CSRNP3: variants seen among roughly 807,000 people sequenced by gnomAD.
CSRNP3 encodes the protein cysteine and serine rich nuclear protein 3.
In CSRNP3, 12 loss-of-function variants were observed where a neutral mutation model predicts 48.0. The observed-to-expected ratio is 0.25, with a 90% confidence interval of 0.16 to 0.41. CSRNP3 has a LOEUF of 0.41. Among genes scored for constraint, CSRNP3 ranks in the 10% least tolerant of loss-of-function variants. The probability of loss-of-function intolerance (pLI) is 1.00; values close to 1 mark genes in which losing one functional copy is unlikely to be tolerated. For missense variants in CSRNP3, 580 were observed against 724.4 expected, an observed-to-expected ratio of 0.80 and a Z score of 2.29; for synonymous variants, 263 against 269.7, an observed-to-expected ratio of 0.98 and a Z score of 0.24.
intron 4 of CSRNP3, among the ~76,000 whole-genome samples, chr2:165,631,125 T>A (rs1314410232): frequency 1.3e-5 from 2 of 152,246 alleles, no homozygotes; most frequent in Admixed American, 6.5e-5. Flanking sequence ...TTAGAGGGTT[T>A]TAAATTTCAA....
chr2:165,551,381 C>T (rs1011635287), intron 3 of CSRNP3, among the ~76,000 whole-genome samples: 2 of 152,200 alleles, frequency 1.3e-5, no homozygotes, highest in South Asian at 2.1e-4. Flanking sequence ...TTTAGTCTCC[C>T]TCTATACCCA....
chr2:165,637,782 G>T (rs1001859940), intron 4 of CSRNP3, among the ~76,000 whole-genome samples: 1 of 152,154 alleles, frequency 6.6e-6, no homozygotes, highest in Non-Finnish European at 1.5e-5. Context: ...TACAGTCTTT[G>T]TAAATCTACT....
chr2:165,559,948 C>T lies in CSRNP3; in HGVS notation c.-23-35095C>T, dbSNP rs1370353587. On this transcript the variant is annotated intron_variant, in intron 3 of 6. Coordinates refer to ENST00000651982, the MANE Select transcript of CSRNP3 (RefSeq NM_001172173.2). ...CTGAGTAGCTGGGACTACAGGCGCC[C>T]GCCACCAAGCCCGACTAATTTTTTG... Among the ~76,000 whole-genome samples the T allele has an allele frequency of 6.6e-5, 10 of 151,718 alleles. No homozygotes were observed. In the East Asian group the frequency reaches 1.4e-3, roughly 21 times the overall value.
chr2:165,664,282 C>T (rs1687143429), intron 5 of CSRNP3, among the ~76,000 whole-genome samples: 1 of 152,202 alleles, frequency 6.6e-6, no homozygotes, highest in Non-Finnish European at 1.5e-5. Flanking sequence ...TACCACAAAA[C>T]CAGGAATTTA....
At chr2:165,639,058 A>T (rs1686681251) in intron 4 of CSRNP3, among the ~76,000 whole-genome samples, 2 of 152,198 alleles carry the variant, frequency 1.3e-5, no homozygotes, top group African/African-American at 4.8e-5. Flanking sequence ...TGATTGATTA[A>T]CATTAAACTT....
At chr2:165,471,266 A>G (rs988108366) in intron 1 of CSRNP3, among the ~76,000 whole-genome samples, 1 of 152,044 alleles carries the variant, frequency 6.6e-6, no homozygotes, top group Admixed American at 6.6e-5. Flanking sequence ...AAATTATTAC[A>G]TAATACTGAA....
chr2:165,602,067 A>G (rs992532275), intron 4 of CSRNP3, among the ~76,000 whole-genome samples: 1 of 152,142 alleles, frequency 6.6e-6, no homozygotes, highest in Non-Finnish European at 1.5e-5. Flanking sequence ...TAGTTTGAGA[A>G]CTAACTTTAG....
chr2:165,563,304 G>A (rs1210330018), intron 3 of CSRNP3, among the ~76,000 whole-genome samples: 2 of 152,134 alleles, frequency 1.3e-5, no homozygotes, highest in African/African-American at 2.4e-5. Flanking sequence ...CACCTGTAAC[G>A]ATAACTGAGT....
At chr2:165,566,222 T>G (rs1447378961) in intron 3 of CSRNP3, among the ~76,000 whole-genome samples, 2 of 151,742 alleles carry the variant, frequency 1.3e-5, no homozygotes, top group Admixed American at 1.3e-4. Flanking sequence ...AAAAAAATCT[T>G]AGCATTTTCA....
At chr2:165,559,803 T>C (rs1685207703) in intron 3 of CSRNP3, among the ~76,000 whole-genome samples, 1 of 138,328 alleles carries the variant, frequency 7.2e-6, no homozygotes, top group Admixed American at 7.2e-5. Flanking sequence ...TTTCTTTTTT[T>C]TTTTTTTTTT....
At chr2:165,600,523 G>T (rs1052188788) in intron 4 of CSRNP3, among the ~76,000 whole-genome samples, 64 of 152,278 alleles carry the variant, frequency 4.2e-4, no homozygotes, top group Non-Finnish European at 6.2e-4. Context: ...ACCTCCACAA[G>T]GATTGAACTA....
At chr2:165,634,466 G>A (rs377149749) in intron 4 of CSRNP3, among the ~76,000 whole-genome samples, 9 of 152,186 alleles carry the variant, frequency 5.9e-5, no homozygotes, top group African/African-American at 9.7e-5. Flanking sequence ...AAATAAGACC[G>A]GCGAAGGGCC....
intron 3 of CSRNP3, among the ~76,000 whole-genome samples, chr2:165,549,405 G>T (rs187217022): frequency 6.6e-6 from 1 of 152,002 alleles, no homozygotes; most frequent in African/African-American, 2.4e-5. Flanking sequence ...GTTAATACAA[G>T]TTAATCGCAA....
At chr2:165,594,358 AG>A (rs1685775076) in intron 3 of CSRNP3, among the ~76,000 whole-genome samples, 1 of 152,210 alleles carries the variant, frequency 6.6e-6, no homozygotes, top group Non-Finnish European at 1.5e-5. Context: ...GAGAAAGGTC[AG>A]CCCAGGGAAA....
chr2:165,484,433 G>A (rs966323642), intron 1 of CSRNP3, among the ~76,000 whole-genome samples: 13 of 152,102 alleles, frequency 8.5e-5, no homozygotes, highest in African/African-American at 2.7e-4. Context: ...ACTTGTGAGC[G>A]GATCTGGGAG....
intron 4 of CSRNP3, among the ~76,000 whole-genome samples, chr2:165,645,906 TTG>T (rs917647197): frequency 1.9e-4 from 29 of 151,050 alleles, no homozygotes; most frequent in African/African-American, 7.2e-4. Flanking sequence ...TGTGTTTTTT[TTG>T]TTTTGTTTTG....
rs549796660 is a variant in CSRNP3, at chr2:165,579,522, T to C, written c.-23-15521T>C. ...GCAGTAGTTATTCATCTCTGCTCCA[T>C]CCAGAGTTTCTATCTCATCTATAGA... On this transcript the variant is annotated intron_variant, in intron 3 of 6. Transcript: ENST00000651982. Among the ~76,000 whole-genome samples the C allele has an allele frequency of 2.6e-5, 4 of 152,336 alleles. No homozygotes were observed. In the East Asian group the frequency reaches 7.7e-4, roughly 29 times the overall value.
intron 4 of CSRNP3, among the ~76,000 whole-genome samples, chr2:165,621,154 T>G (rs957831140): frequency 2.0e-5 from 3 of 152,148 alleles, no homozygotes; most frequent in African/African-American, 7.2e-5. Context: ...CAAATCCCAG[T>G]TCCTGGTTAG....
chr2:165,635,965 G>A (rs1164408709), intron 4 of CSRNP3, among the ~76,000 whole-genome samples: 1 of 152,034 alleles, frequency 6.6e-6, no homozygotes, highest in Non-Finnish European at 1.5e-5. Flanking sequence ...ATGATGCAGA[G>A]CCCTTCACCT....
Sources: allele counts gnomAD v4.1 joint callset (sites outside exome capture counted in the v4.1 genomes callset), GRCh38; gene constraint gnomAD v4.1.1; transcripts MANE v1.5; gene names NCBI Gene and HGNC (gene_info 2026-07-23, HGNC 2026-07-21).